Variants in SLC66A3 observed in about 807,000 individuals in gnomAD.
SLC66A3 encodes solute carrier family 66 member 3.
SLC66A3 carries 23 observed loss-of-function variants against 25.5 expected under a neutral mutation model. That is an observed-to-expected ratio of 0.90 (90% CI 0.65 to 1.28). SLC66A3 has a LOEUF of 1.28. Among genes scored for constraint, SLC66A3 ranks in the 50% most tolerant of loss-of-function variants. SLC66A3 has a pLI of 0.00. For synonymous variants in SLC66A3, 108 were observed against 112.6 expected (o/e 0.96, Z 0.26); for missense variants, 246 against 262.1 (o/e 0.94, Z 0.42).
In SLC66A3 at chr2:11,160,544, G is replaced by T; in HGVS notation, c.222G>T (p.Ala74=). The T allele has an allele frequency of 3.1e-6, 5 of 1,614,100 alleles. No individual in the cohort carries two copies. The highest frequency in any genetic ancestry group is 4.2e-6 in the Non-Finnish European group (5 of 1,180,016). Residue 74 remains alanine (A), a synonymous_variant, in exon 2 of 7, where the codon GCG becomes GCT. Transcript: ENST00000295083. ...LTYLEYPILI[A]QDVILLLCIF... Reference sequence around the variant, plus strand: ...ACCTGGAGTACCCCATCCTCATCGCGCAAGGTAACAGCCCCTTCCCTGTCC... The same window carrying T: ...ACCTGGAGTACCCCATCCTCATCGCTCAAGGTAACAGCCCCTTCCCTGTCC...
At chr2:11,176,527 T>TC (rs1662751637) in intron 6 of SLC66A3, among the ~76,000 whole-genome samples, 2 of 126,108 alleles carry the variant, frequency 1.6e-5, no homozygotes, top group Admixed American at 1.6e-4. Flanking sequence ...GGGAATAACT[T>TC]TTTTTTTTTT....
intron 4 of SLC66A3, among the ~76,000 whole-genome samples, chr2:11,166,173 C>T (rs1270451538): frequency 1.3e-5 from 2 of 152,192 alleles, no homozygotes; most frequent in African/African-American, 4.8e-5. Flanking sequence ...GGCAGCTGGC[C>T]ACTAGCAGTT....
chr2:11,171,223 CAGG>C (rs1662542162), intron 4 of SLC66A3, among the ~76,000 whole-genome samples: 1 of 152,074 alleles, frequency 6.6e-6, no homozygotes, highest in Non-Finnish European at 1.5e-5. Flanking sequence ...GAGGCTGAGA[CAGG>C]AGAATTGCTT....
chr2:11,158,526 G>A (rs1240520663), intron 1 of SLC66A3, among the ~76,000 whole-genome samples: 1 of 152,274 alleles, frequency 6.6e-6, no homozygotes, highest in African/African-American at 2.4e-5. Flanking sequence ...GCTGGGCGTG[G>A]TGGCTGGCGC....
chr2:11,171,201 C>T (rs752030571), intron 4 of SLC66A3, among the ~76,000 whole-genome samples: 36 of 152,050 alleles, frequency 2.4e-4, no homozygotes, highest in Non-Finnish European at 4.0e-4. Context: ...GCCTGTACTC[C>T]CAGCTACTTG....
chr2:11,169,024 ATTTTTATATTT>A (rs767451838), intron 4 of SLC66A3, among the ~76,000 whole-genome samples: 2 of 151,802 alleles, frequency 1.3e-5, no homozygotes, highest in Non-Finnish European at 2.9e-5. Flanking sequence ...CGCCTGGCTA[ATTTTTATATTT>A]TTTGTAGAGA....
chr2:11,161,607 C>T (rs1424851543), intron 3 of SLC66A3, among the ~76,000 whole-genome samples: 1 of 152,112 alleles, frequency 6.6e-6, no homozygotes, highest in Non-Finnish European at 1.5e-5. Flanking sequence ...CAGCCTTGAA[C>T]TTCTGGGGCC....
intron 6 of SLC66A3, among the ~76,000 whole-genome samples, chr2:11,177,369 A>G (rs570767838): frequency 1.3e-5 from 2 of 152,074 alleles, no homozygotes; most frequent in Admixed American, 6.5e-5. Flanking sequence ...CTGAGGCGGG[A>G]GAATCACTTG....
chr2:11,157,928 C>G (rs564389622), intron 1 of SLC66A3, among the ~76,000 whole-genome samples: 1 of 152,292 alleles, frequency 6.6e-6, no homozygotes, highest in South Asian at 2.1e-4. Flanking sequence ...GCACAAGATT[C>G]ATCCAACCTG....
At chr2:11,157,551 G>A (rs924364728) in intron 1 of SLC66A3, among the ~76,000 whole-genome samples, 4 of 152,130 alleles carry the variant, frequency 2.6e-5, no homozygotes, top group African/African-American at 9.7e-5. Context: ...CTGGGCCCCC[G>A]GGCCCCTGAC....
At chr2:11,176,552 G>A (rs567721663) in intron 6 of SLC66A3, among the ~76,000 whole-genome samples, 101 of 79,514 alleles carry the variant, frequency 1.3e-3, no homozygotes, top group Non-Finnish European at 2.2e-3. Flanking sequence ...TTTTTGAGAC[G>A]GAGTCTCGCT....
chr2:11,165,255 C>T, intron 4 of SLC66A3, among the ~76,000 whole-genome samples: 1 of 138,858 alleles, frequency 7.2e-6, no homozygotes, highest in African/African-American at 2.9e-5. Context: ...GGGCTCCTCA[C>T]TTCTCAGAGG....
intron 1 of SLC66A3, 106 bp downstream of exon 1, chr2:11,155,795 CG>C: frequency 9.0e-7 from 1 of 1,113,924 alleles, no homozygotes; most frequent in Non-Finnish European, 1.2e-6. Context: ...GATCCCCGCG[CG>C]CCGGCGTCGC....
intron 1 of SLC66A3, among the ~76,000 whole-genome samples, chr2:11,158,562 T>A (rs1661990982): frequency 6.6e-6 from 1 of 152,190 alleles, no homozygotes; most frequent in Admixed American, 6.5e-5. Flanking sequence ...CTTGGGAGTC[T>A]GAGGCAGGAG....
intron 3 of SLC66A3, among the ~76,000 whole-genome samples, chr2:11,163,206 A>C (rs1306149781): frequency 6.6e-6 from 1 of 152,168 alleles, no homozygotes; most frequent in Non-Finnish European, 1.5e-5. Flanking sequence ...TTATTTGTGA[A>C]ATCTGGCAAC....
At chr2:11,165,463 A>G (rs1436260120) in intron 4 of SLC66A3, among the ~76,000 whole-genome samples, 30 of 108,924 alleles carry the variant, frequency 2.8e-4, no homozygotes, top group Middle Eastern at 6.7e-3. Flanking sequence ...AGACGGGGCG[A>G]CGGGGCAGAG....
At position 11,155,633 on chromosome 2, in the gene SLC66A3, A is replaced by G; in HGVS notation, c.87A>G (p.Leu29=). ...ALKLPQISAV[L]AARSARGLSL... ...AGCTGCCGCAGATCTCCGCTGTGCT[A>G]GCGGCGCGCAGCGCGCGGGGCCTCA... The change falls in exon 1 of 7, where the codon CTA becomes CTG. Residue 29 remains leucine, a synonymous_variant. Transcript: ENST00000295083. 6.6e-7 allele frequency: 1 copy of G among 1,512,706 alleles called. No individual in the cohort carries two copies. Among genetic ancestry groups the G allele is most frequent in the Non-Finnish European group, 8.8e-7 (1 of 1,141,614 alleles). 93.7% of individuals were successfully genotyped at this position (1,512,706 alleles called of 1,614,324 possible). A position where few individuals can be genotyped will look rare whatever the true frequency, so the allele number is the denominator to read the frequency against.
chr2:11,171,838 A>G lies in SLC66A3; in HGVS notation c.355-87A>G, dbSNP rs1019803931. ...CTGCCTCGGCCTCCCAAAGTGCTGG[A>G]ATTACAGGTGTGAGCCACCGCACCT... On this transcript the variant is annotated intron_variant, in intron 4 of 6. Transcript: ENST00000295083. 24 of 1,435,298 alleles carry G rather than the reference A, an allele frequency of 1.7e-5. No individual in the cohort carries two copies. The African/African-American group carries it at 3.0e-4, about 18-fold the overall frequency. 88.9% of individuals were successfully genotyped at this position (1,435,298 alleles called of 1,614,324 possible).
At position 11,176,316 on chromosome 2, in the gene SLC66A3, A is replaced by C. The variant is rs1373302013; in HGVS notation, c.517+1307A>C. On this transcript the variant is annotated intron_variant, in intron 6 of 6. Coordinates refer to ENST00000295083, the MANE Select transcript of SLC66A3 (RefSeq NM_152391.5). ...CTGCAACCTCTGCCTCCCGGGTTCAAGCAATTCTCCTGCCTCAGCCTCCAG... is the reference window on the plus strand; with the variant it reads ...CTGCAACCTCTGCCTCCCGGGTTCACGCAATTCTCCTGCCTCAGCCTCCAG... Among the ~76,000 whole-genome samples, 36 of 141,712 alleles carry C rather than the reference A, an allele frequency of 2.5e-4. No homozygotes were observed. In the Middle Eastern group the frequency reaches 0.013, roughly 51 times the overall value. 93.0% of individuals were successfully genotyped at this position (141,712 alleles called of 152,430 possible).
Sources: gnomAD v4.1 joint callset for allele counts (sites outside exome capture counted in the v4.1 genomes callset) on GRCh38, gnomAD v4.1.1 for gene constraint, MANE v1.5 for transcripts, NCBI Gene and HGNC (gene_info 2026-07-23, HGNC 2026-07-21) for gene names.